Variants in DNAH12 observed in about 807,000 individuals in gnomAD.
DNAH12 encodes the protein axonemal beta dynein heavy chain 12.
In DNAH12, 285 loss-of-function variants were observed where a neutral mutation model predicts 371.5. The ratio of observed to expected loss-of-function variants is 0.77; its 90% CI spans 0.70 to 0.85. The LOEUF is 0.85. DNAH12 is among the 40% of genes least tolerant of loss of function. The probability of loss-of-function intolerance (pLI) is 0.00; values close to 1 mark genes in which losing one functional copy is unlikely to be tolerated. For synonymous variants in DNAH12, 1,200 were observed against 1,213.0 expected (o/e 0.99, Z 0.22); for missense variants, 3,611 against 3,689.4 (o/e 0.98, Z 0.55).
chr3:57,355,364 GA>G (rs1169679647), intron 59 of DNAH12, among the ~76,000 whole-genome samples: 2 of 151,856 alleles, frequency 1.3e-5, no homozygotes, highest in African/African-American at 4.8e-5. Flanking sequence ...CAAAGATGAA[GA>G]AAAACCCTAA....
At chr3:57,324,884 G>A (rs940578892) in intron 62 of DNAH12, among the ~76,000 whole-genome samples, 15 of 152,200 alleles carry the variant, frequency 9.9e-5, no homozygotes, top group South Asian at 4.1e-4. Flanking sequence ...GCGCTTTTCC[G>A]ATGGGCTTAA....
Position 57,428,741 on chromosome 3 carries a change from C to T in DNAH12, c.5145G>A (p.Leu1715=), listed in dbSNP as rs1559648575. 4.5e-6 allele frequency: 7 copies of T among 1,551,568 alleles called. No homozygotes were observed. The highest frequency in any genetic ancestry group is 6.1e-6 in the Non-Finnish European group (7 of 1,146,942). Residue 1715 remains leucine (L), a synonymous_variant, in exon 34 of 74, where the codon TTG becomes TTA. Transcript: ENST00000495027. Reference sequence around the variant, plus strand: ...CACACAGAGGTCCTTTCAGTGAATTCAACCAAGAAGACACAAGTGGTTCCC... The same window carrying T: ...CACACAGAGGTCCTTTCAGTGAATTTAACCAAGAAGACACAAGTGGTTCCC... ...LGWEPLVSSW[L]NSLKGPLCEP...
At chr3:57,418,847 AT>A (rs2064475772) in intron 37 of DNAH12, among the ~76,000 whole-genome samples, 1 of 152,048 alleles carries the variant, frequency 6.6e-6, no homozygotes, top group Non-Finnish European at 1.5e-5. Context: ...ATTAAATGTT[AT>A]TAAGAAAGTT....
intron 35 of DNAH12, 31 bp from the exon 36 acceptor site, chr3:57,421,737 C>A: frequency 1.3e-6 from 2 of 1,550,536 alleles, no homozygotes; most frequent in South Asian, 2.4e-5. Flanking sequence ...TAACTTATAG[C>A]AATTATTTTA....
intron 58 of DNAH12, among the ~76,000 whole-genome samples, chr3:57,361,411 T>TACACACACACTATATATATATAC (rs1242492608): frequency 5.0e-5 from 7 of 139,976 alleles, no homozygotes; most frequent in East Asian, 4.2e-4. Context: ...TATATATATA[T>TACACACACACTATATATATATAC]ACACACACAC....
At chr3:57,302,755 T>C (rs1242960538) in intron 69 of DNAH12, among the ~76,000 whole-genome samples, 1 of 148,840 alleles carries the variant, frequency 6.7e-6, no homozygotes, top group African/African-American at 2.5e-5. Context: ...TCTGTATTTT[T>C]AGTAGAGAAG....
chr3:57,497,431 C>T (rs764362629), intron 11 of DNAH12, among the ~76,000 whole-genome samples: 1 of 151,920 alleles, frequency 6.6e-6, no homozygotes, highest in Non-Finnish European at 1.5e-5. Context: ...AGAAATAGAC[C>T]CACAGATATA....
intron 11 of DNAH12, among the ~76,000 whole-genome samples, chr3:57,497,345 A>G (rs2153388171): frequency 6.6e-6 from 1 of 152,336 alleles, no homozygotes; most frequent in South Asian, 2.1e-4. Flanking sequence ...ACAATTTACC[A>G]TTGAACTACA....
intron 49 of DNAH12, among the ~76,000 whole-genome samples, chr3:57,382,700 C>T (rs1188852079): frequency 6.6e-6 from 1 of 152,068 alleles, no homozygotes; most frequent in Non-Finnish European, 1.5e-5. Flanking sequence ...ATACCACACC[C>T]ATACGTGGAA....
At chr3:57,476,381 T>C (rs2066524052) in intron 13 of DNAH12, among the ~76,000 whole-genome samples, 1 of 151,950 alleles carries the variant, frequency 6.6e-6, no homozygotes, top group Non-Finnish European at 1.5e-5. Context: ...CTGGCCAATA[T>C]GGTGAAGCCC....
chr3:57,344,947 G>A (rs1360760537), intron 60 of DNAH12, among the ~76,000 whole-genome samples: 2 of 151,656 alleles, frequency 1.3e-5, no homozygotes, highest in East Asian at 3.9e-4. Flanking sequence ...CCCCCCATGT[G>A]GTCAAAATTC....
the DNAH12 span, among the ~76,000 whole-genome samples, chr3:57,550,216 G>A: frequency 6.6e-6 from 1 of 152,062 alleles, no homozygotes; most frequent in African/African-American, 2.4e-5. Context: ...CTGGGAGACT[G>A]AGGCAAGAGG....
intron 59 of DNAH12, among the ~76,000 whole-genome samples, chr3:57,353,293 C>G (rs1176093179): frequency 6.6e-6 from 1 of 151,278 alleles, no homozygotes; most frequent in Non-Finnish European, 1.5e-5. Flanking sequence ...TAGTTTGGCA[C>G]TTTATTTTTT....
At chr3:57,369,274 A>T (rs1034974755) in intron 55 of DNAH12, among the ~76,000 whole-genome samples, 2,492 of 139,602 alleles carry the variant, frequency 0.018, 80 homozygotes, top group African/African-American at 0.062. Flanking sequence ...TATATATATA[A>T]TTTTTACATA....
At chr3:57,501,524 T>A in intron 10 of DNAH12, 112 bp from the exon 11 acceptor site, 1 of 716,742 alleles carries the variant, frequency 1.4e-6, no homozygotes, top group Non-Finnish European at 2.3e-6. Flanking sequence ...TTATTATTAA[T>A]AGAGTATTAA....
intron 11 of DNAH12, among the ~76,000 whole-genome samples, chr3:57,500,499 C>G (rs1277009286): frequency 1.3e-5 from 2 of 152,182 alleles, no homozygotes; most frequent in African/African-American, 2.4e-5. Flanking sequence ...CTTCCATGTA[C>G]TGTGTCCCTG....
At chr3:57,418,357 T>C (rs1309157907) in intron 37 of DNAH12, among the ~76,000 whole-genome samples, 1 of 100,860 alleles carries the variant, frequency 9.9e-6, no homozygotes, top group Admixed American at 1.4e-4. Flanking sequence ...CTGGGCAACC[T>C]GTCTCTACAA....
chr3:57,413,759 C>A lies in DNAH12; in HGVS notation c.6007G>T (p.Asp2003Tyr). 1.3e-6 allele frequency: 2 copies of A among 1,550,614 alleles called. No individual in the cohort carries two copies. The highest frequency in any genetic ancestry group is 1.2e-5 in the South Asian group (1 of 83,750). The change falls in exon 39 of 74, where the codon GAC becomes TAC. Residue 2003 changes from aspartate (D) to tyrosine (Y), a missense_variant. Asp to Tyr is a radical substitution (Grantham distance 160). This residue lies in a region of DNAH12 where 2,266 missense variants were observed against 2,236.9 expected (regional missense o/e 1.01). Transcript: ENST00000495027. ...PPIELLRQFF[D>Y]CGHWYDLKDT... is the part of the protein sequence containing the mutation. ...TTAAATAGTTACCAATGTCCACAGT[C>A]AAAAAACTGTCGTAATAATTCAATA...
At chr3:57,516,198 G>A (rs1054779549) in intron 4 of DNAH12, among the ~76,000 whole-genome samples, 3 of 151,600 alleles carry the variant, frequency 2.0e-5, no homozygotes, top group Non-Finnish European at 4.4e-5. Context: ...TGAGTAGCTG[G>A]GATTACAGGC....
Sources: gnomAD v4.1 joint callset for allele counts (sites outside exome capture counted in the v4.1 genomes callset) on GRCh38, gnomAD v4.1.1 for gene constraint, gnomAD v4.1.1 regional missense constraint, MANE v1.5 for transcripts, NCBI Gene and HGNC (gene_info 2026-07-23, HGNC 2026-07-21) for gene names.